PPP5C: variants seen among roughly 807,000 people sequenced by gnomAD.
The protein encoded by PPP5C is protein phosphatase 5 catalytic subunit, also known as serine/threonine-protein phosphatase 5.
PPP5C carries 21 observed loss-of-function variants against 66.7 expected under a neutral mutation model. The ratio of observed to expected loss-of-function variants is 0.31; its 90% confidence interval spans 0.22 to 0.45. The LOEUF is 0.45. Ranked by LOEUF, PPP5C falls within the 20% of genes least tolerant of loss-of-function variation. The pLI, the probability that PPP5C is intolerant of heterozygous loss-of-function variation, is 1.00. For missense variants in PPP5C, 464 were observed against 675.9 expected (o/e 0.69, Z 3.48); for synonymous variants, 246 against 257.4 (o/e 0.96, Z 0.43).
chr19:46,361,033 CTT>C (rs1568567135), intron 2 of PPP5C, among the ~76,000 whole-genome samples: 1 of 151,724 alleles, frequency 6.6e-6, no homozygotes, highest in African/African-American at 2.4e-5. Flanking sequence ...TCCCTCTCCC[CTT>C]TTTTGTTTTT....
Position 46,383,588 on chromosome 19 carries a change from C to G in PPP5C, c.699+112C>G. On this transcript the variant is annotated intron_variant, in intron 5 of 12. Transcript: ENST00000012443. The surrounding 1 kb of genome is among the most constrained non-coding windows in gnomAD (Gnocchi z 5.0). ...TCCACCTCCCTCTCTCCCTCACACC[C>G]CACCCCTGTGCCTTTCCTCCTGAAT... 2.5e-6 allele frequency: 3 copies of G among 1,206,400 alleles called. No individual in the cohort carries two copies. The highest frequency in any genetic ancestry group is 3.5e-6 in the Non-Finnish European group (3 of 858,286). 74.7% of individuals were successfully genotyped at this position (1,206,400 alleles called of 1,614,324 possible).
At position 46,366,246 on chromosome 19, in the gene PPP5C, TAGAC is replaced by T. The variant is rs375388129; in HGVS notation, c.364-9354_364-9351del. Among the ~76,000 whole-genome samples, 1,187 of 152,066 alleles carry T rather than the reference TAGAC, an allele frequency of 7.8e-3. 16 individuals carry two copies. The highest frequency in any genetic ancestry group is 0.026 in the African/African-American group (1,077 of 41,470). On this transcript the variant is annotated intron_variant, in intron 2 of 12. Coordinates refer to ENST00000012443, the MANE Select transcript of PPP5C (RefSeq NM_006247.4). ...CGAAGAAACTGAGGCAAAATTAACA[TAGAC>T]AGAGTTTATTTGGGCCAGGGTTGAG...
chr19:46,369,581 G>C (rs1430019630), intron 2 of PPP5C, among the ~76,000 whole-genome samples: 1 of 147,260 alleles, frequency 6.8e-6, no homozygotes, highest in African/African-American at 2.5e-5. Context: ...GCAGTGAGCG[G>C]ACATTGCGCC....
chr19:46,363,611 A>T (rs1460460131), intron 2 of PPP5C, among the ~76,000 whole-genome samples: 3 of 151,598 alleles, frequency 2.0e-5, no homozygotes, highest in Non-Finnish European at 2.9e-5. Flanking sequence ...TCATACTTTT[A>T]GTAGAGATGG....
intron 1 of PPP5C, among the ~76,000 whole-genome samples, chr19:46,348,810 C>T (rs971306875): frequency 2.0e-5 from 3 of 152,034 alleles, no homozygotes; most frequent in Non-Finnish European, 2.9e-5. Context: ...GGAAAGGTGT[C>T]GGGAAGGCTG....
intron 2 of PPP5C, among the ~76,000 whole-genome samples, chr19:46,371,457 C>T (rs1424523063): frequency 6.6e-6 from 1 of 152,130 alleles, no homozygotes; most frequent in Non-Finnish European, 1.5e-5. Context: ...GGCTACCCTG[C>T]GCAGTGGAGA....
At chr19:46,378,008 T>C (rs937816438) in intron 4 of PPP5C, among the ~76,000 whole-genome samples, 2 of 152,244 alleles carry the variant, frequency 1.3e-5, no homozygotes, top group Non-Finnish European at 2.9e-5. Context: ...ATTGATTGTC[T>C]TTTGTTTCAT....
At chr19:46,389,075 G>A (rs1432613535) in intron 11 of PPP5C, among the ~76,000 whole-genome samples, 1 of 152,118 alleles carries the variant, frequency 6.6e-6, no homozygotes, top group African/African-American at 2.4e-5. Flanking sequence ...TATAATCCCA[G>A]CACTTTGGGA....
chr19:46,389,222 G>T (rs1972948037), intron 11 of PPP5C, among the ~76,000 whole-genome samples: 1 of 151,624 alleles, frequency 6.6e-6, no homozygotes, highest in Non-Finnish European at 1.5e-5. Context: ...TACTCAGGAG[G>T]CTGAGTCAGG....
intron 1 of PPP5C, among the ~76,000 whole-genome samples, chr19:46,348,375 G>A (rs1357469244): frequency 2.0e-5 from 3 of 147,760 alleles, no homozygotes; most frequent in African/African-American, 5.1e-5. Context: ...GTGCAATGGC[G>A]CAATCTCGGC....
intron 11 of PPP5C, 116 bp from the exon 12 acceptor site, chr19:46,389,935 T>G: frequency 1.1e-6 from 1 of 870,660 alleles, no homozygotes; most frequent in East Asian, 2.5e-5. Context: ...TCTGTGTCTG[T>G]TGTGGCTCTG....
intron 2 of PPP5C, among the ~76,000 whole-genome samples, chr19:46,374,463 C>T (rs951629980): frequency 1.3e-5 from 2 of 152,122 alleles, no homozygotes; most frequent in African/African-American, 4.8e-5. Flanking sequence ...CGTGACTAAA[C>T]AGGTGAAGTC....
chr19:46,348,584 G>T (rs751833798), intron 1 of PPP5C, among the ~76,000 whole-genome samples: 3 of 152,172 alleles, frequency 2.0e-5, no homozygotes, highest in Non-Finnish European at 4.4e-5. Flanking sequence ...AAAGTGCTGG[G>T]ATTACAGGCA....
chr19:46,384,753 C>G, intron 6 of PPP5C, 51 bp from the exon 7 acceptor site: 1 of 1,439,724 alleles, frequency 6.9e-7, no homozygotes, highest in Non-Finnish European at 9.8e-7. Context: ...CCAACCCCAC[C>G]GCACCGCACC....
intron 2 of PPP5C, among the ~76,000 whole-genome samples, chr19:46,363,400 T>C (rs1369352864): frequency 3.4e-5 from 5 of 146,664 alleles, no homozygotes; most frequent in Non-Finnish European, 1.5e-5. Flanking sequence ...ACTCAGGTCA[T>C]GTGAACTTGG....
At chr19:46,384,336 G>C (rs536870326) in intron 6 of PPP5C, 1 of 249,488 alleles carries the variant, frequency 4.0e-6, no homozygotes, top group South Asian at 6.1e-5. Flanking sequence ...GACAGGTTAA[G>C]AACAGGGCCT....
At position 46,390,573 on chromosome 19, in the gene PPP5C, G is replaced by C. The variant is rs1973001919; in HGVS notation, c.*227G>C. On this transcript the variant is annotated 3_prime_UTR_variant, in exon 13 of 13. Coordinates refer to ENST00000012443, the MANE Select transcript of PPP5C (RefSeq NM_006247.4). Reference sequence around the variant, plus strand: ...AGAGAGGAAGGAGGTGGAGCAGCTGGGGCTGGGGGCACAGCCTGGGCATTC... The same window carrying C: ...AGAGAGGAAGGAGGTGGAGCAGCTGCGGCTGGGGGCACAGCCTGGGCATTC... 7.1e-7 allele frequency: 1 copy of C among 1,401,304 alleles called. No homozygotes were observed. The highest frequency in any genetic ancestry group is 9.3e-7 in the Non-Finnish European group (1 of 1,076,600). The allele number at this position is 1,401,304 out of a possible 1,614,324, so 86.8% of individuals were successfully genotyped here.
rs2147412591 is a variant in PPP5C, at chr19:46,390,723, A to T, written c.*377A>T. 1 of 1,153,056 alleles carries T rather than the reference A, an allele frequency of 8.7e-7. No individual in the cohort carries two copies. The highest frequency in any genetic ancestry group is 1.1e-6 in the Non-Finnish European group (1 of 925,948). 71.4% of individuals were successfully genotyped at this position (1,153,056 alleles called of 1,614,324 possible). A position where few individuals can be genotyped will look rare whatever the true frequency, so the allele number is the denominator to read the frequency against. ...TAGGAAGACCCCCAGAGAGAGGGTC[A>T]GCAGGGGGGCCCCGCCTGCGCCTCC... is the stretch of plus-strand genomic sequence containing the variant. On this transcript the variant is annotated 3_prime_UTR_variant, in exon 13 of 13. Coordinates refer to ENST00000012443, the MANE Select transcript of PPP5C (RefSeq NM_006247.4).
chr19:46,367,879 T>A (rs915192311), intron 2 of PPP5C, among the ~76,000 whole-genome samples: 1 of 152,174 alleles, frequency 6.6e-6, no homozygotes, highest in Non-Finnish European at 1.5e-5. Flanking sequence ...TGGTGATGAA[T>A]GGAGTTTTAG....
Sources: gnomAD v4.1 joint callset for allele counts (sites outside exome capture counted in the v4.1 genomes callset) on GRCh38, gnomAD v4.1.1 for gene constraint, Gnocchi (gnomAD v3.1) non-coding constraint, MANE v1.5 for transcripts, NCBI Gene and HGNC (gene_info 2026-07-23, HGNC 2026-07-21) for gene names.